DNAH3: variants seen among roughly 807,000 people sequenced by gnomAD.
The protein encoded by DNAH3 is axonemal beta dynein heavy chain 3.
A neutral mutation model predicts 432.5 loss-of-function variants in DNAH3; 332 were observed. The ratio of observed to expected loss-of-function variants is 0.77; its 90% CI spans 0.70 to 0.84. DNAH3 has a LOEUF of 0.84. Among genes scored for constraint, DNAH3 ranks in the 40% least tolerant of loss-of-function variants. The pLI is 0.00. For synonymous variants in DNAH3, 1,956 were observed against 1,900.2 expected, an observed-to-expected ratio of 1.03 and a Z score of -0.76; for missense variants, 4,861 against 5,114.0, an observed-to-expected ratio of 0.95 and a Z score of 1.51.
At chr16:21,118,865 T>TGG (rs2092270167) in intron 11 of DNAH3, among the ~76,000 whole-genome samples, 1 of 152,246 alleles carries the variant, frequency 6.6e-6, no homozygotes, top group East Asian at 1.9e-4. Context: ...GCAAAGTTCC[T>TGG]GCCTGGGACC....
At chr16:21,106,628 G>T (rs2091953311) in exon 15 of DNAH3, 1 of 1,606,580 alleles carries the variant, frequency 6.2e-7, no homozygotes, top group Non-Finnish European at 8.5e-7. Context: ...GTGTTGGCAG[G>T]AACCTCACTG....
chr16:20,977,566 C>T (rs1185878912), intron 50 of DNAH3, among the ~76,000 whole-genome samples: 1 of 152,186 alleles, frequency 6.6e-6, no homozygotes, highest in Non-Finnish European at 1.5e-5. Context: ...CCCCAGTGAG[C>T]TTGTGTGAGA....
At chr16:20,964,093 G>A in exon 53 of DNAH3, 1 of 1,614,178 alleles carries the variant, frequency 6.2e-7, no homozygotes, top group Non-Finnish European at 8.5e-7. Context: ...TTTGGAGGAG[G>A]ACAGAACTTT....
intron 31 of DNAH3, among the ~76,000 whole-genome samples, chr16:21,048,550 G>A (rs1016637618): frequency 8.8e-4 from 134 of 152,242 alleles, no homozygotes; most frequent in Admixed American, 1.7e-3. Context: ...CACGGTGCAC[G>A]CACCCACTGA....
chr16:21,117,244 T>C, exon 12 of DNAH3: 3 of 1,610,730 alleles, frequency 1.9e-6, no homozygotes, highest in Non-Finnish European at 2.5e-6. Flanking sequence ...CCTTGAAAGT[T>C]TGAATCAAAA....
intron 20 of DNAH3, among the ~76,000 whole-genome samples, chr16:21,076,290 T>C (rs1326013614): frequency 6.6e-6 from 1 of 152,158 alleles, no homozygotes; most frequent in East Asian, 1.9e-4. Flanking sequence ...GAAGACCATG[T>C]CAATTCATAG....
chr16:20,948,021 C>A (rs2084129667), intron 57 of DNAH3, among the ~76,000 whole-genome samples: 1 of 152,294 alleles, frequency 6.6e-6, no homozygotes, highest in Admixed American at 6.5e-5. Flanking sequence ...AGTGATCCAC[C>A]CGCCTCAGCC....
chr16:20,985,045 T>C lies in DNAH3; in HGVS notation c.7665+32A>G, dbSNP rs1284809178. Reference sequence around the variant, plus strand: ...AAGGGCAAATGGAGTTTTCTTCTTCTTACCGAGGACAATGTGAAGGTTCTT... The same window carrying C: ...AAGGGCAAATGGAGTTTTCTTCTTCCTACCGAGGACAATGTGAAGGTTCTT... On this transcript the variant is annotated intron_variant, in intron 48 of 61. Coordinates refer to ENST00000261383, the Ensembl canonical transcript of DNAH3. The C allele has an allele frequency of 1.3e-6, 2 of 1,587,682 alleles. No homozygotes were observed. The highest frequency in any genetic ancestry group is 1.7e-6 in the Non-Finnish European group (2 of 1,167,144).
At chr16:21,095,312 T>G (rs2091644930) in intron 18 of DNAH3, among the ~76,000 whole-genome samples, 2 of 152,068 alleles carry the variant, frequency 1.3e-5, no homozygotes, top group Admixed American at 1.3e-4. Context: ...GTGAAAACAG[T>G]GGGTAAATGG....
At chr16:20,985,515 G>A (rs2086148079) in exon 48 of DNAH3, 1 of 1,614,008 alleles carries the variant, frequency 6.2e-7, no homozygotes, top group African/African-American at 1.3e-5. Flanking sequence ...TGGCAAACCT[G>A]AACATGACCA....
intron 33 of DNAH3, among the ~76,000 whole-genome samples, chr16:21,038,547 T>C (rs2089282236): frequency 6.6e-6 from 1 of 152,212 alleles, no homozygotes; most frequent in Non-Finnish European, 1.5e-5. Flanking sequence ...AGACTCATTT[T>C]GGATTTTCAG....
At chr16:21,134,018 A>C in intron 7 of DNAH3, 1 of 393,282 alleles carries the variant, frequency 2.5e-6, no homozygotes, top group South Asian at 5.1e-5. Flanking sequence ...CTGTGCAATT[A>C]AGCAGGATAT....
chr16:21,072,821 A>ATTAT (rs2090840216), intron 21 of DNAH3, among the ~76,000 whole-genome samples: 1 of 148,004 alleles, frequency 6.8e-6, no homozygotes, highest in Non-Finnish European at 1.5e-5. Flanking sequence ...GCTAATTATT[A>ATTAT]TTATTATTAT....
chr16:21,015,607 A>C (rs1346703430), intron 41 of DNAH3, among the ~76,000 whole-genome samples: 2 of 152,200 alleles, frequency 1.3e-5, no homozygotes, highest in African/African-American at 4.8e-5. Flanking sequence ...CTATAATACC[A>C]CAGTACTGCA....
intron 20 of DNAH3, among the ~76,000 whole-genome samples, chr16:21,076,709 C>CT (rs1166819720): frequency 6.9e-4 from 105 of 151,990 alleles, no homozygotes; most frequent in East Asian, 5.6e-3. Context: ...ATTAATTAAT[C>CT]CTTTTTTTTC....
In DNAH3 at chr16:21,069,495, C is replaced by A. The variant is rs1183043306; in HGVS notation, c.3301G>T (p.Asp1101Tyr). 8 of 1,614,170 alleles carry A rather than the reference C, an allele frequency of 5.0e-6. No homozygotes were observed. The South Asian group carries it at 8.8e-5, about 18-fold the overall frequency. ...TCTTCTGGCATCTGGGCTATGATGT[C>A]CTCTGAACTGAAGATTGGTTCCAGG... The change falls in exon 23 of 62, where the codon GAC becomes TAC. Residue 1101 changes from aspartate to tyrosine, a missense_variant. By Grantham distance (160) the Asp-to-Tyr change is radical. Coordinates refer to ENST00000261383, the Ensembl canonical transcript of DNAH3.
chr16:21,130,961 G>A (rs920943924), intron 7 of DNAH3, among the ~76,000 whole-genome samples: 2 of 152,128 alleles, frequency 1.3e-5, no homozygotes, highest in Non-Finnish European at 2.9e-5. Flanking sequence ...CAATTACTGT[G>A]TGCCAAGCAG....
chr16:21,148,396 C>T (rs2092812609), intron 1 of DNAH3, among the ~76,000 whole-genome samples: 1 of 151,902 alleles, frequency 6.6e-6, no homozygotes, highest in African/African-American at 2.4e-5. Flanking sequence ...AATTGGCCGG[C>T]TTGACTTCTA....
chr16:21,092,795 C>A (rs2091576697), intron 18 of DNAH3, among the ~76,000 whole-genome samples: 1 of 144,326 alleles, frequency 6.9e-6, no homozygotes, highest in Non-Finnish European at 1.5e-5. Flanking sequence ...AAACAAAAAC[C>A]TGAAACTTAA....
Sources: allele counts gnomAD v4.1 joint callset (sites outside exome capture counted in the v4.1 genomes callset), GRCh38; gene constraint gnomAD v4.1.1; transcripts MANE v1.5; gene names NCBI Gene and HGNC (gene_info 2026-07-23, HGNC 2026-07-21).